MTOR: variants seen among roughly 807,000 people sequenced by gnomAD.
MTOR encodes the protein serine/threonine-protein kinase mTOR.
MTOR carries 70 observed loss-of-function variants against 319.8 expected under a neutral mutation model. The ratio of observed to expected loss-of-function variants is 0.22; its 90% confidence interval spans 0.18 to 0.27. The LOEUF is 0.27. MTOR is among the 10% of genes least tolerant of loss of function. The pLI, the probability that MTOR is intolerant of heterozygous loss-of-function variation, is 1.00. For missense variants in MTOR, 1,890 were observed against 3,274.4 expected, an observed-to-expected ratio of 0.58 and a Z score of 10.32; for synonymous variants, 1,183 against 1,211.4, an observed-to-expected ratio of 0.98 and a Z score of 0.49.
intron 18 of MTOR, among the ~76,000 whole-genome samples, chr1:11,230,468 A>G (rs1382328981): frequency 1.3e-5 from 2 of 152,198 alleles, no homozygotes; most frequent in African/African-American, 2.4e-5. Context: ...CGGAAAAAAG[A>G]GCCCCAAATT....
At chr1:11,114,476 C>A (rs1468335516) in intron 52 of MTOR, 23 bp from the exon 53 acceptor site, 3 of 1,613,868 alleles carry the variant, frequency 1.9e-6, no homozygotes, top group Non-Finnish European at 2.5e-6. Flanking sequence ...CAGAGCCACT[C>A]ACCACAGGAG....
At chr1:11,150,541 T>C (rs990106873) in intron 30 of MTOR, among the ~76,000 whole-genome samples, 4 of 152,258 alleles carry the variant, frequency 2.6e-5, no homozygotes, top group African/African-American at 9.6e-5. Flanking sequence ...AATTCTGGGC[T>C]CTTTCCCTTT....
chr1:11,238,144 G>A, intron 12 of MTOR, 96 bp from the exon 13 acceptor site: 1 of 1,192,670 alleles, frequency 8.4e-7, no homozygotes, highest in African/African-American at 1.5e-5. Context: ...GTAGTGGGAA[G>A]ATTCCAGATG....
chr1:11,193,464 C>A (rs138898242), intron 28 of MTOR: 1 of 876,514 alleles, frequency 1.1e-6, no homozygotes, highest in Non-Finnish European at 1.7e-6. Flanking sequence ...AGTGTGACTG[C>A]GGGAGTGCAC....
chr1:11,254,599 T>TC (rs756402851), intron 5 of MTOR, among the ~76,000 whole-genome samples: 59 of 87,714 alleles, frequency 6.7e-4, no homozygotes, highest in Non-Finnish European at 1.9e-3. Context: ...TTCAGAGCTC[T>TC]TTTTCTAATA....
intron 9 of MTOR, 33 bp from the exon 10 acceptor site, chr1:11,241,714 A>C: frequency 6.3e-7 from 1 of 1,589,182 alleles, no homozygotes; most frequent in Non-Finnish European, 8.6e-7. Context: ...TAGTTGAGAC[A>C]TAATGACATT....
chr1:11,150,388 T>G (rs530581145), intron 30 of MTOR, among the ~76,000 whole-genome samples, 162 bp from the exon 31 acceptor site: 1 of 152,134 alleles, frequency 6.6e-6, no homozygotes, highest in African/African-American at 2.4e-5. Flanking sequence ...AATGGGCTAT[T>G]TGTTGTTTCT....
At chr1:11,203,387 A>T (rs2100761004) in intron 26 of MTOR, among the ~76,000 whole-genome samples, 1 of 152,308 alleles carries the variant, frequency 6.6e-6, no homozygotes, top group Middle Eastern at 3.4e-3. Context: ...TGTATCAATA[A>T]AAAAAATTTT....
chr1:11,119,892 G>T (rs1642415410), intron 49 of MTOR, among the ~76,000 whole-genome samples: 2 of 151,444 alleles, frequency 1.3e-5, no homozygotes, highest in South Asian at 4.2e-4. Flanking sequence ...CTAAGTTAGG[G>T]CCCCCATCGG....
chr1:11,202,196 G>A (rs897601797), intron 26 of MTOR, among the ~76,000 whole-genome samples: 3 of 151,998 alleles, frequency 2.0e-5, no homozygotes, highest in Non-Finnish European at 2.9e-5. Context: ...CTGGGAGGCC[G>A]AGGTGGGCAG....
intron 28 of MTOR, chr1:11,189,519 T>G (rs1190119016): frequency 1.3e-6 from 2 of 1,523,520 alleles, no homozygotes; most frequent in Non-Finnish European, 1.8e-6. Context: ...TTTGCAGACC[T>G]CAGCTGGGCA....
At chr1:11,165,941 A>T (rs968141778) in intron 29 of MTOR, among the ~76,000 whole-genome samples, 1 of 152,186 alleles carries the variant, frequency 6.6e-6, no homozygotes, top group African/African-American at 2.4e-5. Flanking sequence ...ATAATACCAC[A>T]CATCTACAAT....
In MTOR at chr1:11,127,711, G is replaced by A. The variant is rs56096707; in HGVS notation, c.6129C>T (p.Asn2043=). The change falls in exon 44 of 58, where the codon AAC becomes AAT. Residue 2043 remains asparagine, a synonymous_variant. Coordinates refer to ENST00000361445, the MANE Select transcript of MTOR (RefSeq NM_004958.4). This position sits in a 1 kb window ranked among gnomAD's most constrained non-coding sequence, Gnocchi z 5.5. The part of the protein sequence containing the change: ...EASRLYFGER[N]VKGMFEVLEP... ...CCAGCACCTCAAACATGCCTTTCAC[G>A]TTCCTTTCCCCAAAGTACAAACGAG... 993 of 1,614,008 alleles carry A rather than the reference G, an allele frequency of 6.2e-4. 7 individuals carry two copies. In the African/African-American group the frequency reaches 0.011, roughly 19 times the overall value.
intron 30 of MTOR, among the ~76,000 whole-genome samples, chr1:11,152,108 G>A (rs1644168014): frequency 2.6e-5 from 4 of 152,210 alleles, no homozygotes; most frequent in Admixed American, 2.0e-4. Flanking sequence ...ACAGACAAGA[G>A]CATTGCTCTT....
chr1:11,124,090 C>G (rs913022843), intron 47 of MTOR, among the ~76,000 whole-genome samples: 8 of 152,160 alleles, frequency 5.3e-5, no homozygotes, highest in Non-Finnish European at 7.4e-5. Flanking sequence ...GCCCGGTCAC[C>G]TTTTTAATTT....
At chr1:11,228,559 T>A in intron 19 of MTOR, 109 bp downstream of exon 19, 1 of 1,441,274 alleles carries the variant, frequency 6.9e-7, no homozygotes, top group Non-Finnish European at 9.5e-7. Context: ...GAGGAAGGCA[T>A]TGGGCTCAGG....
At chr1:11,243,060 C>T (rs1648295471) in intron 9 of MTOR, 54 bp downstream of exon 9, 1 of 1,599,278 alleles carries the variant, frequency 6.3e-7, no homozygotes, top group Non-Finnish European at 8.5e-7. Flanking sequence ...AATAGAGCGT[C>T]CTTCCTCTCC....
chr1:11,173,116 C>G (rs1044004074), intron 28 of MTOR, among the ~76,000 whole-genome samples: 1 of 152,050 alleles, frequency 6.6e-6, no homozygotes, highest in East Asian at 1.9e-4. Flanking sequence ...GTCTTAGCCT[C>G]CTGAGTAGCC....
intron 31 of MTOR, among the ~76,000 whole-genome samples, chr1:11,147,239 G>C (rs1643961968): frequency 6.6e-6 from 1 of 151,996 alleles, no homozygotes; most frequent in Non-Finnish European, 1.5e-5. Context: ...CCATTACACA[G>C]ATGATAGGGG....
Sources: allele counts gnomAD v4.1 joint callset (sites outside exome capture counted in the v4.1 genomes callset), GRCh38; gene constraint gnomAD v4.1.1; non-coding constraint Gnocchi (gnomAD v3.1); transcripts MANE v1.5; gene names NCBI Gene and HGNC (gene_info 2026-07-23, HGNC 2026-07-21).